The following PHLDB2 variants were observed in gnomAD, a reference collection of about 807,000 sequenced individuals.
PHLDB2 encodes the protein pleckstrin homology like domain family B member 2.
Under a neutral mutation model 123.6 loss-of-function variants are expected in PHLDB2, and 71 were observed. The observed-to-expected ratio is 0.57, with a 90% confidence interval of 0.47 to 0.70. The LOEUF is 0.70. Ranked by LOEUF, PHLDB2 falls within the 30% of genes least tolerant of loss-of-function variation. The pLI, the probability that PHLDB2 is intolerant of heterozygous loss-of-function variation, is 0.00. For missense variants in PHLDB2, 1,446 were observed against 1,519.5 expected, an observed-to-expected ratio of 0.95 and a Z score of 0.80; for synonymous variants, 547 against 541.6, an observed-to-expected ratio of 1.01 and a Z score of -0.14.
chr3:111,752,219 A>AGTGTGTGTGTGTGTGTGTGTGTGTGT (rs57931243), intron 1 of PHLDB2, among the ~76,000 whole-genome samples: 12 of 146,892 alleles, frequency 8.2e-5, no homozygotes, highest in Non-Finnish European at 1.6e-4. Context: ...GAAGTTTCTA[A>AGTGTGTGTGTGTGTGTGTGTGTGTGT]GTGTGTGTGT....
rs1464130577 is a variant in PHLDB2, at chr3:111,967,804, A to G, written c.3295A>G (p.Arg1099Gly). Residue 1099 changes from arginine (R) to glycine (G), a missense_variant, in exon 15 of 18, where the codon AGG becomes GGG. Physicochemically the swap from Arg to Gly is moderately radical, Grantham distance 125. Coordinates refer to ENST00000431670, the MANE Select transcript of PHLDB2 (RefSeq NM_001134438.2). ...QKLIEKEVKI[R>G]ERQRAQARPL... ...GTTAATAGAAAAGGAAGTAAAAATA[A>G]GGGAGAGACAAAGGGCACAGGTTGG... is the stretch of plus-strand genomic sequence containing the variant. 1.2e-6 allele frequency: 2 copies of G among 1,610,758 alleles called. No individual in the cohort carries two copies. Among genetic ancestry groups the G allele is most frequent in the Non-Finnish European group, 1.7e-6 (2 of 1,178,982 alleles).
At chr3:111,944,264 A>G (rs1035107990) in intron 8 of PHLDB2, among the ~76,000 whole-genome samples, 2 of 152,176 alleles carry the variant, frequency 1.3e-5, no homozygotes, top group Non-Finnish European at 2.9e-5. Flanking sequence ...GGCATGAGGA[A>G]ATGATTGGGG....
intron 1 of PHLDB2, among the ~76,000 whole-genome samples, chr3:111,815,709 C>G (rs79526540): frequency 6.6e-6 from 1 of 152,114 alleles, no homozygotes. Flanking sequence ...AAATTTGCAG[C>G]CTGACAACAC....
intron 1 of PHLDB2, among the ~76,000 whole-genome samples, chr3:111,876,952 C>G (rs921010911): frequency 1.3e-5 from 2 of 152,190 alleles, no homozygotes; most frequent in Admixed American, 1.3e-4. Flanking sequence ...GCTACATTTT[C>G]TTTATCCAGT....
At chr3:111,907,584 C>G (rs2067623860) in intron 2 of PHLDB2, among the ~76,000 whole-genome samples, 1 of 152,148 alleles carries the variant, frequency 6.6e-6, no homozygotes, top group Non-Finnish European at 1.5e-5. Context: ...CAACCTTTGC[C>G]TCCTGGGTTC....
At chr3:111,830,653 C>CA (rs1383473325) in intron 1 of PHLDB2, among the ~76,000 whole-genome samples, 1 of 147,412 alleles carries the variant, frequency 6.8e-6, no homozygotes, top group Non-Finnish European at 1.5e-5. Context: ...ACTAAAAATA[C>CA]AAAAAATTAG....
At chr3:111,830,038 A>C (rs897140025) in intron 1 of PHLDB2, among the ~76,000 whole-genome samples, 4 of 151,706 alleles carry the variant, frequency 2.6e-5, no homozygotes, top group African/African-American at 9.7e-5. Context: ...TTCTTAGCCA[A>C]GCCACTAAAG....
chr3:111,863,359 C>A (rs1576926356), intron 1 of PHLDB2, among the ~76,000 whole-genome samples: 1 of 152,114 alleles, frequency 6.6e-6, no homozygotes, highest in East Asian at 1.9e-4. Flanking sequence ...CTGGCTTGGA[C>A]AGAAGGGAGA....
intron 1 of PHLDB2, among the ~76,000 whole-genome samples, chr3:111,820,860 C>T (rs981792293): frequency 6.6e-6 from 1 of 152,214 alleles, no homozygotes; most frequent in African/African-American, 2.4e-5. Context: ...TATAGTTTAT[C>T]AACACCAGGA....
At position 111,962,132 on chromosome 3, in the gene PHLDB2, A is replaced by T. The variant is rs1206941240; in HGVS notation, c.2897A>T (p.Glu966Val). ...GGTTATAATCACCAACAGATGAGTG[A>T]AGGACACAGGCAGAAATCTGAATTT... ...LRGYNHQQMS[E>V]GHRQKSEFYN... The change falls in exon 13 of 18, where the codon GAA becomes GTA. Residue 966 changes from glutamate (E) to valine (V), a missense_variant. Glu to Val is a moderately radical substitution (Grantham distance 121). Coordinates refer to ENST00000431670, the MANE Select transcript of PHLDB2 (RefSeq NM_001134438.2). 6.3e-7 allele frequency: 1 copy of T among 1,581,188 alleles called. No individual in the cohort carries two copies. The highest frequency in any genetic ancestry group is 1.2e-5 in the South Asian group (1 of 84,862).
At chr3:111,887,754 AT>A (rs2066259177) in intron 2 of PHLDB2, among the ~76,000 whole-genome samples, 1 of 152,096 alleles carries the variant, frequency 6.6e-6, no homozygotes, top group Non-Finnish European at 1.5e-5. Context: ...TAGGCTCTTA[AT>A]TTGGTTTCAT....
chr3:111,967,765 A>G lies in PHLDB2; in HGVS notation c.3256A>G (p.Ser1086Gly), dbSNP rs1472430046. 6.2e-7 allele frequency: 1 copy of G among 1,613,058 alleles called. No homozygotes were observed. Among genetic ancestry groups the G allele is most frequent in the African/African-American group, 1.3e-5 (1 of 74,814 alleles). ...ILEKRLQEET[S>G]QRQKLIEKEV... The stretch of plus-strand genomic sequence containing the variant: ...GGAAAAACGATTACAGGAAGAAACT[A>G]GCCAGAGGCAGAAGTTAATAGAAAA... Residue 1086 changes from serine (S) to glycine (G), a missense_variant, in exon 15 of 18, where the codon AGC becomes GGC. Ser to Gly is a moderately conservative substitution (Grantham distance 56). Around this residue, in one of 3 missense-constraint regions of PHLDB2, gnomAD observed 594 missense variants for 646.0 expected, o/e 0.92. Transcript: ENST00000431670.
chr3:111,920,221 G>A, intron 4 of PHLDB2, 61 bp from the exon 5 acceptor site: 4 of 1,559,810 alleles, frequency 2.6e-6, no homozygotes, highest in Non-Finnish European at 3.5e-6. Flanking sequence ...TATCTCTAGG[G>A]TGGTCAGTTG....
chr3:111,857,472 A>G (rs1256283274), upstream of PHLDB2, among the ~76,000 whole-genome samples: 1 of 89,084 alleles, frequency 1.1e-5, no homozygotes, highest in Non-Finnish European at 2.8e-5. Context: ...AAAGAAAAGA[A>G]AAGAAAAAAA....
chr3:111,906,654 C>T (rs1481893213), intron 2 of PHLDB2, among the ~76,000 whole-genome samples: 1 of 152,162 alleles, frequency 6.6e-6, no homozygotes, highest in Non-Finnish European at 1.5e-5. Context: ...CCTAGTTATT[C>T]ACGTATGTCT....
intron 2 of PHLDB2, among the ~76,000 whole-genome samples, chr3:111,846,760 G>T (rs2064009400): frequency 6.6e-6 from 1 of 152,188 alleles, no homozygotes; most frequent in Non-Finnish European, 1.5e-5. Context: ...GACAAAGAGA[G>T]ATTTTAAGCA....
chr3:111,773,994 G>A (rs1346798181), intron 1 of PHLDB2, among the ~76,000 whole-genome samples: 2 of 152,222 alleles, frequency 1.3e-5, no homozygotes, highest in African/African-American at 4.8e-5. Flanking sequence ...ATTTTCAAAT[G>A]ACATTTAGTT....
At position 111,831,038 on chromosome 3, in the gene PHLDB2, G is replaced by GAAAGA. The variant is rs1559855434; in HGVS notation, c.-48-14781_-48-14780insAGAAA. On this transcript the variant is annotated intron_variant, in intron 1 of 17. Transcript: ENST00000393923. Reference sequence around the variant, plus strand: ...GAAAGAAAGAAAGAAAGAAAGGAAGGAAGGAAGAAAGAGAAAAGAGAGAGA... The same window carrying GAAAGA: ...GAAAGAAAGAAAGAAAGAAAGGAAGGAAAGAAAGGAAGAAAGAGAAAAGAGAGAGA... 6.4e-3 allele frequency among the ~76,000 whole-genome samples: 351 copies of GAAAGA among 54,638 alleles called. 22 individuals carry two copies. Among genetic ancestry groups the GAAAGA allele is most frequent in the Non-Finnish European group, 9.3e-3 (207 of 22,242 alleles). The allele number at this position is 54,638 out of a possible 152,430, so 35.8% of individuals were successfully genotyped here.
At chr3:111,896,603 G>A (rs1378007491) in intron 2 of PHLDB2, among the ~76,000 whole-genome samples, 4 of 152,016 alleles carry the variant, frequency 2.6e-5, no homozygotes, top group Admixed American at 2.0e-4. Flanking sequence ...TGCCTGCCTT[G>A]GCCACCCAAA....
Sources: allele counts gnomAD v4.1 joint callset (sites outside exome capture counted in the v4.1 genomes callset), GRCh38; gene constraint gnomAD v4.1.1; regional missense constraint gnomAD v4.1.1; transcripts MANE v1.5; gene names NCBI Gene and HGNC (gene_info 2026-07-23, HGNC 2026-07-21).